Variants in NECTIN3 observed in about 807,000 individuals in gnomAD.
The protein encoded by NECTIN3 is nectin-3.
In NECTIN3, 8 loss-of-function variants were observed where a neutral mutation model predicts 49.4. The observed-to-expected ratio is 0.16, with a 90% CI of 0.10 to 0.29. The LOEUF is 0.29. NECTIN3 is among the 10% of genes least tolerant of loss of function. NECTIN3 has a pLI of 1.00. For synonymous variants in NECTIN3, 277 were observed against 241.1 expected, an observed-to-expected ratio of 1.15 and a Z score of -1.38; for missense variants, 581 against 654.6, an observed-to-expected ratio of 0.89 and a Z score of 1.23.
intron 5 of NECTIN3, among the ~76,000 whole-genome samples, chr3:111,133,306 A>C (rs998309627): frequency 6.6e-6 from 1 of 152,018 alleles, no homozygotes; most frequent in African/African-American, 2.4e-5. Context: ...AGGACACTTA[A>C]GTAATACTCT....
At chr3:111,138,955 T>C (rs894845601), downstream of NECTIN3, among the ~76,000 whole-genome samples, 2 of 151,520 alleles carry the variant, frequency 1.3e-5, no homozygotes, top group Non-Finnish European at 3.0e-5. Flanking sequence ...ACTGGGCCTT[T>C]CTTAAAAAAC....
At chr3:111,112,434 A>T in intron 2 of NECTIN3, 63 bp downstream of exon 2, 1 of 1,024,076 alleles carries the variant, frequency 9.8e-7, no homozygotes, top group Non-Finnish European at 1.4e-6. Flanking sequence ...AAATATTTTT[A>T]AGAAATTAAA....
At chr3:111,125,335 T>C (rs1326497379) in intron 4 of NECTIN3, among the ~76,000 whole-genome samples, 1 of 151,508 alleles carries the variant, frequency 6.6e-6, no homozygotes, top group Non-Finnish European at 1.5e-5. Flanking sequence ...GGCCTTATCC[T>C]CTTTAAAAAA....
intron 1 of NECTIN3, 125 bp from the exon 2 acceptor site, chr3:111,111,883 ATGTGTGTGTGTGTGCATGTGTG>A (rs889501940): frequency 7.3e-5 from 40 of 546,050 alleles, no homozygotes; most frequent in African/African-American, 4.7e-4. Context: ...GTGTGAGTGC[ATGTGTGTGTGTGTGCATGTGTG>A]TGTGTGTGTG....
At chr3:111,111,931 G>C in intron 1 of NECTIN3, 99 bp from the exon 2 acceptor site, 4 of 548,266 alleles carry the variant, frequency 7.3e-6, no homozygotes, top group Non-Finnish European at 1.3e-5. Context: ...GTGTGTGTGT[G>C]TGTAGCTAGA....
At chr3:111,106,840 GC>G (rs1183958935) in intron 1 of NECTIN3, among the ~76,000 whole-genome samples, 1 of 152,082 alleles carries the variant, frequency 6.6e-6, no homozygotes, top group Non-Finnish European at 1.5e-5. Context: ...TTCTTTTATA[GC>G]ATATTTGCAT....
At chr3:111,192,249 T>G (rs1576191663), upstream of NECTIN3, 7 of 1,088,346 alleles carry the variant, frequency 6.4e-6, no homozygotes, top group East Asian at 1.6e-4. Flanking sequence ...TGGTAGACAT[T>G]TATAACAAGA....
At chr3:111,193,412 A>T (rs1437917633) in intron 1 of NECTIN3, 16 of 1,516,718 alleles carry the variant, frequency 1.1e-5, no homozygotes, top group Non-Finnish European at 1.4e-5. Context: ...GTTCTAACAA[A>T]TGTTTATTCT....
Position 111,134,988 on chromosome 3 carries a change from C to A in NECTIN3, c.*773C>A. ...TGATAATTATTAGTTTTTTTTTTTC[C>A]TTTCTGGAACATGGATTTTGGTACA... On this transcript the variant is annotated 3_prime_UTR_variant, in exon 6 of 6. Transcript: ENST00000485303. 1 of 975,064 alleles carries A rather than the reference C, an allele frequency of 1.0e-6. No individual in the cohort carries two copies. Among genetic ancestry groups the A allele is most frequent in the African/African-American group, 1.8e-5 (1 of 56,508 alleles). The allele number at this position is 975,064 out of a possible 1,614,324, so 60.4% of individuals were successfully genotyped here.
downstream of NECTIN3, among the ~76,000 whole-genome samples, chr3:111,139,954 T>G (rs1005439293): frequency 2.6e-5 from 4 of 151,894 alleles, no homozygotes; most frequent in Non-Finnish European, 5.9e-5. Flanking sequence ...AGTTAACTTT[T>G]TTATTACTAA....
intron 7 of NECTIN3, among the ~76,000 whole-genome samples, chr3:111,173,266 G>A (rs551172673): frequency 6.6e-6 from 1 of 152,244 alleles, no homozygotes; most frequent in South Asian, 2.1e-4. Flanking sequence ...TTTTCCTCCA[G>A]GTGATAACAT....
chr3:111,076,975 CAA>C (rs200742608), intron 1 of NECTIN3, among the ~76,000 whole-genome samples: 9 of 65,830 alleles, frequency 1.4e-4, no homozygotes, highest in Non-Finnish European at 1.3e-4. Context: ...GACTCCGTCT[CAA>C]AAAAAAAAAA....
At chr3:111,185,307 CAT>C (rs374633047) in intron 7 of NECTIN3, among the ~76,000 whole-genome samples, 5 of 152,188 alleles carry the variant, frequency 3.3e-5, no homozygotes, top group South Asian at 2.1e-4. Flanking sequence ...AAAGATAACA[CAT>C]GTGCGTGTGT....
intron 1 of NECTIN3, among the ~76,000 whole-genome samples, chr3:111,085,328 A>T (rs188650898): frequency 6.6e-6 from 1 of 152,218 alleles, no homozygotes; most frequent in East Asian, 1.9e-4. Flanking sequence ...AGGCTTGATT[A>T]AAGTCAAAGT....
chr3:111,107,046 A>G (rs570310693), intron 1 of NECTIN3, among the ~76,000 whole-genome samples: 1 of 152,238 alleles, frequency 6.6e-6, no homozygotes, highest in African/African-American at 2.4e-5. Context: ...AAAGAAAGGG[A>G]ATGGTTGCAA....
At chr3:111,155,085 G>A (rs1406702238) in intron 7 of NECTIN3, among the ~76,000 whole-genome samples, 1 of 151,884 alleles carries the variant, frequency 6.6e-6, no homozygotes, top group Admixed American at 6.6e-5. Context: ...CTACAGGTGC[G>A]CACCACCAGG....
chr3:111,105,063 G>GT (rs2033112916), intron 1 of NECTIN3, among the ~76,000 whole-genome samples: 1 of 151,628 alleles, frequency 6.6e-6, no homozygotes, highest in South Asian at 2.1e-4. Flanking sequence ...TAACTGTACA[G>GT]TTTTTTCACA....
At chr3:111,177,766 G>A (rs1391717053) in intron 7 of NECTIN3, among the ~76,000 whole-genome samples, 1 of 152,192 alleles carries the variant, frequency 6.6e-6, no homozygotes, top group Non-Finnish European at 1.5e-5. Context: ...GTTTTCTGGT[G>A]TTAAAATGTG....
At chr3:111,145,856 A>G (rs1290603715) in intron 6 of NECTIN3, among the ~76,000 whole-genome samples, 2 of 152,154 alleles carry the variant, frequency 1.3e-5, no homozygotes, top group African/African-American at 4.8e-5. Flanking sequence ...TGCTTTGTAT[A>G]TGTCTTTGCT....
Sources: gnomAD v4.1 joint callset for allele counts (sites outside exome capture counted in the v4.1 genomes callset) on GRCh38, gnomAD v4.1.1 for gene constraint, MANE v1.5 for transcripts, NCBI Gene and HGNC (gene_info 2026-07-23, HGNC 2026-07-21) for gene names.